UBE2N: variants seen among roughly 807,000 people sequenced by gnomAD.
The protein encoded by UBE2N is ubiquitin-conjugating enzyme E2 N.
For missense variants in UBE2N, 60 were observed against 192.1 expected, an observed-to-expected ratio of 0.31 and a Z score of 4.07; for synonymous variants, 70 against 69.2, an observed-to-expected ratio of 1.01 and a Z score of -0.06.
At chr12:93,429,269 C>CA (rs748950148) in intron 1 of UBE2N, 19,916 of 284,928 alleles carry the variant, frequency 0.07, 21 homozygotes, top group South Asian at 0.086. Context: ...GACTCTGTCT[C>CA]AAAAAAAAAA....
intron 1 of UBE2N, among the ~76,000 whole-genome samples, chr12:93,414,304 C>T (rs1878128737): frequency 6.7e-6 from 1 of 149,218 alleles, no homozygotes; most frequent in African/African-American, 2.6e-5. Context: ...ATAAAATTAG[C>T]TAGGCATGGT....
At chr12:93,415,870 T>C (rs1592741754) in intron 1 of UBE2N, among the ~76,000 whole-genome samples, 1 of 152,286 alleles carries the variant, frequency 6.6e-6, no homozygotes, top group African/African-American at 2.4e-5. Flanking sequence ...TATCCCAAAA[T>C]AGCTTCAAAA....
intron 1 of UBE2N, among the ~76,000 whole-genome samples, chr12:93,416,989 C>A (rs1430873964): frequency 6.6e-6 from 1 of 151,990 alleles, no homozygotes; most frequent in Non-Finnish European, 1.5e-5. Flanking sequence ...AGGATTGAAT[C>A]CCAAACAGAA....
At chr12:93,429,563 T>TAA (rs34053448) in intron 1 of UBE2N, among the ~76,000 whole-genome samples, 28 of 138,806 alleles carry the variant, frequency 2.0e-4, no homozygotes, top group African/African-American at 5.6e-4. Context: ...TTCTGCTTGT[T>TAA]AAAAAAAAAA....
At chr12:93,430,283 A>G (rs900189790) in intron 1 of UBE2N, among the ~76,000 whole-genome samples, 8 of 152,206 alleles carry the variant, frequency 5.3e-5, no homozygotes, top group Non-Finnish European at 1.5e-5. Context: ...CTAGGTGTGT[A>G]GCATGCTACA....
At chr12:93,421,547 C>G (rs985562816) in intron 1 of UBE2N, among the ~76,000 whole-genome samples, 1 of 151,976 alleles carries the variant, frequency 6.6e-6, no homozygotes. Context: ...GTAAACAGCA[C>G]GGGAGTTAAA....
chr12:93,430,565 G>A (rs1465820642), intron 1 of UBE2N, among the ~76,000 whole-genome samples: 1 of 151,780 alleles, frequency 6.6e-6, no homozygotes, highest in Non-Finnish European at 1.5e-5. Flanking sequence ...AGGGTCTCAT[G>A]TTTGTAGGAA....
intron 1 of UBE2N, among the ~76,000 whole-genome samples, chr12:93,414,427 CA>C (rs1287895450): frequency 2.0e-5 from 2 of 101,402 alleles, no homozygotes; most frequent in Non-Finnish European, 3.8e-5. Context: ...CCAGCCTAGG[CA>C]AAAGAGCGAA....
intron 1 of UBE2N, among the ~76,000 whole-genome samples, chr12:93,416,201 C>G (rs541506507): frequency 1.3e-5 from 2 of 152,196 alleles, no homozygotes; most frequent in African/African-American, 4.8e-5. Context: ...GAATAAAATC[C>G]AAACTAAATG....
intron 1 of UBE2N, chr12:93,429,187 T>C: frequency 3.1e-6 from 1 of 324,186 alleles, no homozygotes; most frequent in Admixed American, 4.6e-5. Context: ...GTAGAGCTGC[T>C]TGAACCCAGG....
chr12:93,422,932 G>T (rs190506734), intron 1 of UBE2N, among the ~76,000 whole-genome samples: 46 of 152,280 alleles, frequency 3.0e-4, no homozygotes, highest in African/African-American at 1.1e-3. Context: ...GTAACTTGTA[G>T]AAAAAGAAAA....
At chr12:93,429,864 G>A (rs1878706074) in intron 1 of UBE2N, among the ~76,000 whole-genome samples, 1 of 152,078 alleles carries the variant, frequency 6.6e-6, no homozygotes, top group African/African-American at 2.4e-5. Flanking sequence ...TGTGTTTTAA[G>A]CTAAATGTTA....
intron 1 of UBE2N, among the ~76,000 whole-genome samples, chr12:93,430,541 CTA>C (rs891482039): frequency 5.3e-5 from 8 of 151,920 alleles, no homozygotes; most frequent in African/African-American, 1.9e-4. Flanking sequence ...TTAAAGTGAA[CTA>C]TGTTACTAAA....
intron 2 of UBE2N, 21 bp downstream of exon 2, chr12:93,411,032 G>A: frequency 6.2e-7 from 1 of 1,613,958 alleles, no homozygotes; most frequent in Non-Finnish European, 8.5e-7. Flanking sequence ...AATAGCATAT[G>A]CTGATAAAGA....
chr12:93,434,502 A>C (rs750754762), intron 1 of UBE2N, among the ~76,000 whole-genome samples: 1 of 152,248 alleles, frequency 6.6e-6, no homozygotes, highest in African/African-American at 2.4e-5. Flanking sequence ...GAGCTTAAAA[A>C]AGAATACTGA....
rs1466939711 is a variant in UBE2N at position 93,406,238 on chromosome 12, A to G, written c.*3801T>C. 3 of 134,434 alleles carry G rather than the reference A, an allele frequency of 2.2e-5. No individual in the cohort carries two copies. The highest frequency in any genetic ancestry group is 3.1e-5 in the Non-Finnish European group (2 of 64,430). The allele number at this position is 134,434 out of a possible 1,614,324, so 8.3% of individuals were successfully genotyped here. ...AGCCAAGATCATGCCACAGCACTCC[A>G]GCCTAAACTACAGAGCTAGAAAGTG... On this transcript the variant is annotated 3_prime_UTR_variant, in exon 4 of 4. Transcript: ENST00000318066.
intron 1 of UBE2N, among the ~76,000 whole-genome samples, chr12:93,438,121 T>C (rs1253841115): frequency 1.3e-5 from 2 of 152,216 alleles, no homozygotes; most frequent in African/African-American, 4.8e-5. Flanking sequence ...ATTCAGTTAG[T>C]CTATTAATAT....
At position 93,407,173 on chromosome 12, in the gene UBE2N, CTTAATGTTCAGA is replaced by C. The variant is rs1877867402; in HGVS notation, c.*2854_*2865del. On this transcript the variant is annotated 3_prime_UTR_variant, in exon 4 of 4. Transcript: ENST00000318066. ...TGGGCAGTCGATTTTCAGGAAGCCA[CTTAATGTTCAGA>C]TTCTTTTCTTCTCTCCCAGGACTTT... 6.6e-6 allele frequency: 1 copy of C among 152,390 alleles called. No homozygotes were observed. Among genetic ancestry groups the C allele is most frequent in the African/African-American group, 2.4e-5 (1 of 41,458 alleles). 9.4% of individuals were successfully genotyped at this position (152,390 alleles called of 1,614,324 possible).
intron 1 of UBE2N, among the ~76,000 whole-genome samples, chr12:93,441,652 G>C (rs1041282874): frequency 2.0e-5 from 3 of 151,886 alleles, no homozygotes; most frequent in African/African-American, 7.3e-5. Flanking sequence ...CCCGCTGTCC[G>C]GCTGCCCCGC....
Sources: allele counts gnomAD v4.1 joint callset (sites outside exome capture counted in the v4.1 genomes callset), GRCh38; gene constraint gnomAD v4.1.1; transcripts MANE v1.5; gene names NCBI Gene and HGNC (gene_info 2026-07-23, HGNC 2026-07-21).